The following MDC1 variants were observed in gnomAD, a reference collection of about 807,000 sequenced individuals.
The protein encoded by MDC1 is mediator of DNA damage checkpoint protein 1.
MDC1 carries 81 observed loss-of-function variants against 142.5 expected under a neutral mutation model. The ratio of observed to expected loss-of-function variants is 0.57; its 90% CI spans 0.47 to 0.68. The LOEUF (loss-of-function observed/expected upper bound fraction) is 0.68, where lower values mean the gene tolerates loss of function less well. Ranked by LOEUF, MDC1 falls within the 30% of genes least tolerant of loss-of-function variation. The pLI is 0.00. For missense variants in MDC1, 2,119 were observed against 2,547.9 expected (o/e 0.83, Z 3.62); for synonymous variants, 797 against 968.4 (o/e 0.82, Z 3.29).
chr6:30,708,855 C>CAAAAAAAAAAA (rs59939040), intron 7 of MDC1, among the ~76,000 whole-genome samples: 1 of 55,236 alleles, frequency 1.8e-5, no homozygotes, highest in African/African-American at 5.8e-5. Context: ...GACTCTGTCT[C>CAAAAAAAAAAA]AAAAAAAAAA....
chr6:30,703,031 C>T lies in MDC1; in HGVS notation c.5865+73G>A. ...GTCTTCCTGTAACGCCTCTTCCCTT[C>T]CACCACTTTCTAGGGCACTATATGA... On this transcript the variant is annotated intron_variant, in intron 12 of 14. Coordinates refer to ENST00000376406, the MANE Select transcript of MDC1 (RefSeq NM_014641.3). The surrounding 1 kb of genome is among the most constrained non-coding windows in gnomAD (Gnocchi z 4.4). 6.3e-7 allele frequency: 1 copy of T among 1,579,358 alleles called. No homozygotes were observed. Among genetic ancestry groups the T allele is most frequent in the Non-Finnish European group, 8.6e-7 (1 of 1,160,086 alleles).
rs1773281479 is a variant in MDC1, at chr6:30,704,151, C to T, written c.5032G>A (p.Gly1678Ser). 1.2e-6 allele frequency: 2 copies of T among 1,613,678 alleles called. No individual in the cohort carries two copies. The highest frequency in any genetic ancestry group is 1.7e-6 in the Non-Finnish European group (2 of 1,179,738). ...QSVTPEAIAQ[G>S]GQSKTLRSST... ...GACCTCAGTGTTTTGCTCTGACCACCCTGAGCTATGGCCTCAGGGGTGACG... is the reference window on the plus strand; with the variant it reads ...GACCTCAGTGTTTTGCTCTGACCACTCTGAGCTATGGCCTCAGGGGTGACG... Residue 1678 changes from glycine (G) to serine (S), a missense_variant, in exon 10 of 15, where the codon GGT becomes AGT. Gly to Ser is a moderately conservative substitution (Grantham distance 56). Coordinates refer to ENST00000376406, the MANE Select transcript of MDC1 (RefSeq NM_014641.3).
Position 30,713,859 on chromosome 6 carries a change from T to C in MDC1, c.461A>G (p.Gln154Arg), listed in dbSNP as rs780548809. 1.9e-6 allele frequency: 3 copies of C among 1,614,176 alleles called. No individual in the cohort carries two copies. Among genetic ancestry groups the C allele is most frequent in the South Asian group, 2.2e-5 (2 of 91,086 alleles). Residue 154 changes from glutamine (Q) to arginine (R), a missense_variant, in exon 3 of 15, where the codon CAG becomes CGG. Coordinates refer to ENST00000376406, the MANE Select transcript of MDC1 (RefSeq NM_014641.3). This position sits in a 1 kb window ranked among gnomAD's most constrained non-coding sequence, Gnocchi z 4.9. The stretch of plus-strand genomic sequence containing the variant: ...AAGCCTCTGGGGTTGAGTTTCTCCC[T>C]GTACTCTGGGTGTCTCTTCTACTGT... Reference protein sequence around the residue: ...PLTVEETPRVQGETQPQRLLL... With the variant: ...PLTVEETPRVRGETQPQRLLL...
intron 9 of MDC1, 78 bp from the exon 10 acceptor site, chr6:30,706,176 T>C: frequency 7.9e-7 from 1 of 1,266,912 alleles, no homozygotes; most frequent in Non-Finnish European, 1.1e-6. Flanking sequence ...TTGATACTTG[T>C]TTATGGTTAG....
chr6:30,714,812 A>G (rs6929698), intron 2 of MDC1, among the ~76,000 whole-genome samples: 7,378 of 152,178 alleles, frequency 0.048, 357 homozygotes, highest in African/African-American at 0.12. Context: ...CACTGCACCC[A>G]GCTTCATTTC....
Position 30,712,512 on chromosome 6 carries a change from A to C in MDC1, c.1430T>G (p.Ile477Ser). Residue 477 changes from isoleucine to serine, a missense_variant, in exon 5 of 15, where the codon ATT (isoleucine) becomes AGT (serine). Coordinates refer to ENST00000376406, the MANE Select transcript of MDC1 (RefSeq NM_014641.3). This position sits in a 1 kb window ranked among gnomAD's most constrained non-coding sequence, Gnocchi z 4.7. ...TGAATGTGCTCTAACAAGGGCTCTA[A>C]TCTTTGTGTGATCCTTGAGGACAGC... Reference protein sequence around the residue: ...REAVLKDHTKIRALVRAHSEK... With the variant: ...REAVLKDHTKSRALVRAHSEK... The C allele has an allele frequency of 6.2e-7, 1 of 1,612,922 alleles. No individual in the cohort carries two copies. Among genetic ancestry groups the C allele is most frequent in the East Asian group, 2.2e-5 (1 of 44,878 alleles).
intron 14 of MDC1, among the ~76,000 whole-genome samples, chr6:30,701,695 T>C (rs1420231793): frequency 6.6e-6 from 1 of 152,174 alleles, no homozygotes; most frequent in Non-Finnish European, 1.5e-5. Flanking sequence ...TTTGAACAAC[T>C]GTATAGAGAC....
rs1562065642 is a variant in MDC1 at position 30,700,195 on chromosome 6, A to G, written c.*270T>C. The G allele has an allele frequency of 5.8e-6, 2 of 347,042 alleles. No homozygotes were observed. The highest frequency in any genetic ancestry group is 1.0e-5 in the Non-Finnish European group (2 of 194,462). 21.5% of individuals were successfully genotyped at this position (347,042 alleles called of 1,614,324 possible). On this transcript the variant is annotated 3_prime_UTR_variant, in exon 15 of 15. Transcript: ENST00000376406. ...AAATGGCCATTTAATACATGCATGT[A>G]AGAAATCTTGTATCCCCTAAATCTA... is the stretch of plus-strand genomic sequence containing the variant.
At position 30,707,712 on chromosome 6, in the gene MDC1, T is replaced by C; in HGVS notation, c.2867A>G (p.Gln956Arg). 1 of 1,613,090 alleles carries C rather than the reference T, an allele frequency of 6.2e-7. No individual in the cohort carries two copies. Among genetic ancestry groups the C allele is most frequent in the Non-Finnish European group, 8.5e-7 (1 of 1,180,034 alleles). ...GCTGGAGGCCTGCCCTTTCTGGTCC[T>C]GGCTCCCTCCCTCTGGCTCCCCTCT... ...TQRGEPEGGS[Q>R]DQKGQASSPT... Residue 956 changes from glutamine to arginine, a missense_variant, in exon 8 of 15, where the codon CAG becomes CGG. Coordinates refer to ENST00000376406, the MANE Select transcript of MDC1 (RefSeq NM_014641.3).
At position 30,713,117 on chromosome 6, in the gene MDC1, C is replaced by T. The variant is rs1395181322; in HGVS notation, c.825G>A (p.Lys275=). The change falls in exon 5 of 15, where the codon AAG becomes AAA. Residue 275 remains lysine, a synonymous_variant. Coordinates refer to ENST00000376406, the MANE Select transcript of MDC1 (RefSeq NM_014641.3). This position sits in a 1 kb window ranked among gnomAD's most constrained non-coding sequence, Gnocchi z 4.9. ...GAACCACCCCATTCCCTGCACCCCT[C>T]TTGACTTTTGTATCATTGTCCCTCT... ...VKERDNDTKV[K]RGAGNGVVPA... 1 of 1,613,096 alleles carries T rather than the reference C, an allele frequency of 6.2e-7. No homozygotes were observed. The highest frequency in any genetic ancestry group is 2.2e-5 in the East Asian group (1 of 44,880).
In MDC1 at chr6:30,705,207, C is replaced by A; in HGVS notation, c.3976G>T (p.Val1326Phe). ...ATCTGGAGCTCAGGGGCTGTGGGGA[C>A]AACTGTTTCAGGGGTCTTGACAGAG... ...MSSVKTPETVVPTAPELQIST... is the reference protein window; with the variant it reads ...MSSVKTPETVFPTAPELQIST... Residue 1326 changes from valine (V) to phenylalanine (F), a missense_variant, in exon 10 of 15, where the codon GTC (valine) becomes TTC (phenylalanine). Coordinates refer to ENST00000376406, the MANE Select transcript of MDC1 (RefSeq NM_014641.3). 6.3e-7 allele frequency: 1 copy of A among 1,591,244 alleles called. No individual in the cohort carries two copies. The highest frequency in any genetic ancestry group is 8.5e-7 in the Non-Finnish European group (1 of 1,170,030).
intron 2 of MDC1, among the ~76,000 whole-genome samples, chr6:30,714,784 G>A (rs1457423112): frequency 6.6e-6 from 1 of 151,970 alleles, no homozygotes; most frequent in Non-Finnish European, 1.5e-5. Flanking sequence ...TCAAAGCACG[G>A]GAATTACAGG....
chr6:30,704,022 T>G lies in MDC1; in HGVS notation c.5161A>C (p.Ile1721Leu). ...TTCCCAGCGGCTCTCTGCCTCTTGATGCAACTGGGTTGAGTAATAGGCTCA... is the reference window on the plus strand; with the variant it reads ...TTCCCAGCGGCTCTCTGCCTCTTGAGGCAACTGGGTTGAGTAATAGGCTCA... ...SPEPITQPSC[I>L]KRQRAAGNPG... Residue 1721 changes from isoleucine to leucine, a missense_variant, in exon 10 of 15, where the codon ATC (isoleucine) becomes CTC (leucine). Ile to Leu is a conservative substitution (Grantham distance 5). Transcript: ENST00000376406. The G allele has an allele frequency of 6.2e-7, 1 of 1,614,226 alleles. No homozygotes were observed. Among genetic ancestry groups the G allele is most frequent in the Non-Finnish European group, 8.5e-7 (1 of 1,180,044 alleles).
In MDC1 at chr6:30,713,568, ATC is replaced by A; in HGVS notation, c.587+78_587+79del. On this transcript the variant is annotated intron_variant, in intron 4 of 14. Transcript: ENST00000376406. This position sits in a 1 kb window ranked among gnomAD's most constrained non-coding sequence, Gnocchi z 4.9. Reference sequence around the variant, plus strand: ...CCCAGCCCCAACTCTCATGATAATCATCTCTTTTAGAGATTGATCCTCCAGCC... The same window carrying A: ...CCCAGCCCCAACTCTCATGATAATCATCTTTTAGAGATTGATCCTCCAGCC... 6.9e-7 allele frequency: 1 copy of A among 1,440,684 alleles called. No homozygotes were observed. Among genetic ancestry groups the A allele is most frequent in the Non-Finnish European group, 9.5e-7 (1 of 1,047,586 alleles). The allele number at this position is 1,440,684 out of a possible 1,614,324, so 89.2% of individuals were successfully genotyped here. A position where few individuals can be genotyped will look rare whatever the true frequency, so the allele number is the denominator to read the frequency against.
chr6:30,713,961 A>G lies in MDC1; in HGVS notation c.359T>C (p.Leu120Ser). 1 of 1,613,028 alleles carries G rather than the reference A, an allele frequency of 6.2e-7. No individual in the cohort carries two copies. The highest frequency in any genetic ancestry group is 1.1e-5 in the South Asian group (1 of 91,070). Residue 120 changes from leucine to serine, a missense_variant, in exon 3 of 15, where the codon TTG (leucine) becomes TCG (serine). Physicochemically the swap from Leu to Ser is moderately radical, Grantham distance 145. Coordinates refer to ENST00000376406, the MANE Select transcript of MDC1 (RefSeq NM_014641.3). The surrounding 1 kb of genome is among the most constrained non-coding windows in gnomAD (Gnocchi z 4.9). Reference protein sequence around the residue: ...GVSHRLRDQELILFADLLCQY... With the variant: ...GVSHRLRDQESILFADLLCQY... ...GCAGAGCAAGTCAGCAAAGAGAATC[A>G]ATTCCTGGTCCCTCAGACGGTGACT...
chr6:30,701,799 G>A (rs901704479), intron 14 of MDC1, among the ~76,000 whole-genome samples: 1 of 152,052 alleles, frequency 6.6e-6, no homozygotes, highest in African/African-American at 2.4e-5. Flanking sequence ...TAATGGCATT[G>A]TGATTATGAA....
rs566643839 is a variant in MDC1 at position 30,715,403 on chromosome 6, C to A, written c.-3-225G>T. Among the ~76,000 whole-genome samples the A allele has an allele frequency of 2.0e-5, 3 of 152,270 alleles. No individual in the cohort carries two copies. The South Asian group carries it at 6.2e-4, about 32-fold the overall frequency. ...CCAGGCTGGCATGCAGTGGTAAGAT[C>A]TTGGGCCCACGGCAACCTCTGCCTC... On this transcript the variant is annotated intron_variant, in intron 1 of 14. Transcript: ENST00000376406. This position sits in a 1 kb window ranked among gnomAD's most constrained non-coding sequence, Gnocchi z 4.1.
rs778836256 is a variant in MDC1, at chr6:30,705,137, C to T, written c.4046G>A (p.Arg1349Gln). Residue 1349 changes from arginine to glutamine, a missense_variant, in exon 10 of 15, where the codon CGG becomes CAG. Physicochemically the swap from Arg to Gln is conservative, Grantham distance 43. Transcript: ENST00000376406. ...CATATTTGTCCTGCTCCTAGTGGTC[C>T]GAGATGTGGGCTTAGGGGTGACAGG... ...DQPVTPKPTS[R>Q]TTRSRTNMSS... The T allele has an allele frequency of 1.3e-5, 21 of 1,596,936 alleles. No individual in the cohort carries two copies. The highest frequency in any genetic ancestry group is 2.9e-5 in the African/African-American group (2 of 69,302).
At chr6:30,702,248 C>A (rs1217634998) in intron 14 of MDC1, among the ~76,000 whole-genome samples, 1 of 109,966 alleles carries the variant, frequency 9.1e-6, no homozygotes, top group African/African-American at 3.9e-5. Context: ...GAGAGTGAGA[C>A]TCCATCTCAA....
Sources: gnomAD v4.1 joint callset for allele counts (sites outside exome capture counted in the v4.1 genomes callset) on GRCh38, gnomAD v4.1.1 for gene constraint, Gnocchi (gnomAD v3.1) non-coding constraint, MANE v1.5 for transcripts, NCBI Gene and HGNC (gene_info 2026-07-23, HGNC 2026-07-21) for gene names.